The following RNF138 variants were observed in gnomAD, a reference collection of about 807,000 sequenced individuals.
RNF138 encodes the protein E3 ubiquitin-protein ligase RNF138.
In RNF138, 12 loss-of-function variants were observed where a neutral mutation model predicts 31.0. The observed-to-expected ratio is 0.39, with a 90% confidence interval of 0.25 to 0.63. RNF138 has a LOEUF of 0.63. Among genes scored for constraint, RNF138 ranks in the 20% least tolerant of loss-of-function variants. The probability of loss-of-function intolerance (pLI) is 0.52; values close to 1 mark genes in which losing one functional copy is unlikely to be tolerated. For synonymous variants in RNF138, 105 were observed against 99.5 expected (o/e 1.06, Z -0.33); for missense variants, 192 against 300.1 (o/e 0.64, Z 2.66).
chr18:32,098,745 C>A (rs368146261), intron 2 of RNF138, among the ~76,000 whole-genome samples: 3 of 149,948 alleles, frequency 2.0e-5, no homozygotes, highest in African/African-American at 7.4e-5. Flanking sequence ...CCCAGCTGTT[C>A]GGGAGGCTGA....
At chr18:32,105,961 A>G (rs1042213917) in intron 2 of RNF138, among the ~76,000 whole-genome samples, 4 of 152,224 alleles carry the variant, frequency 2.6e-5, no homozygotes, top group Admixed American at 6.5e-5. Context: ...ATTAAGCACT[A>G]TGACACAAGG....
chr18:32,094,437 A>G (rs115448459), intron 2 of RNF138, among the ~76,000 whole-genome samples: 146 of 152,288 alleles, frequency 9.6e-4, no homozygotes, highest in African/African-American at 3.2e-3. Flanking sequence ...TTGCTCTTTA[A>G]GGGAGATGAA....
At chr18:32,110,411 CTTG>C (rs1036036043) in intron 2 of RNF138, among the ~76,000 whole-genome samples, 2 of 152,174 alleles carry the variant, frequency 1.3e-5, no homozygotes, top group Non-Finnish European at 2.9e-5. Flanking sequence ...GCATTTTATA[CTTG>C]TTATCTATTT....
intron 7 of RNF138, 77 bp downstream of exon 7, chr18:32,126,877 A>G: frequency 1.1e-6 from 1 of 870,402 alleles, no homozygotes; most frequent in Non-Finnish European, 1.9e-6. Flanking sequence ...ATCGACTTAA[A>G]TTTTGTGGCA....
At chr18:32,127,669 TAG>T (rs1451006725) in intron 7 of RNF138, among the ~76,000 whole-genome samples, 18 of 152,266 alleles carry the variant, frequency 1.2e-4, no homozygotes, top group Non-Finnish European at 2.2e-4. Context: ...AAAGTAATTC[TAG>T]ATTATTATTA....
chr18:32,126,869 C>T (rs956767166), intron 7 of RNF138, 69 bp downstream of exon 7: 9 of 971,010 alleles, frequency 9.3e-6, no homozygotes, highest in Admixed American at 5.8e-5. Context: ...TTTTTGTAAT[C>T]GACTTAAATT....
intron 5 of RNF138, 146 bp downstream of exon 5, chr18:32,123,720 T>C: frequency 2.0e-6 from 1 of 492,504 alleles, no homozygotes; most frequent in South Asian, 3.1e-5. Context: ...TGGTGCGATC[T>C]TGGCTCACTG....
intron 2 of RNF138, among the ~76,000 whole-genome samples, chr18:32,096,750 G>T (rs2039813297): frequency 6.6e-6 from 1 of 151,836 alleles, no homozygotes; most frequent in Non-Finnish European, 1.5e-5. Flanking sequence ...TGTTTTTTTT[G>T]AAATAGGGTC....
In RNF138 at chr18:32,120,363, A is replaced by T. The variant is rs1446326997; in HGVS notation, c.393-3155A>T. On this transcript the variant is annotated intron_variant, in intron 4 of 7. Transcript: ENST00000261593. Reference sequence around the variant, plus strand: ...CTGGAGTCTAGGCATTTGTATTTTTAAAAAGCATTGTGCTTACTATTTAAC... The same window carrying T: ...CTGGAGTCTAGGCATTTGTATTTTTTAAAAGCATTGTGCTTACTATTTAAC... Among the ~76,000 whole-genome samples, 4 of 152,298 alleles carry T rather than the reference A, an allele frequency of 2.6e-5. No individual in the cohort carries two copies. In the East Asian group the frequency reaches 7.7e-4, roughly 29 times the overall value.
chr18:32,096,789 T>C (rs919369733), intron 2 of RNF138, among the ~76,000 whole-genome samples: 1 of 152,154 alleles, frequency 6.6e-6, no homozygotes, highest in Non-Finnish European at 1.5e-5. Context: ...TGCAGTGGCA[T>C]GATCATAGCT....
At chr18:32,109,746 C>T (rs546983569) in intron 2 of RNF138, among the ~76,000 whole-genome samples, 20 of 152,210 alleles carry the variant, frequency 1.3e-4, no homozygotes, top group African/African-American at 3.6e-4. Flanking sequence ...AATTAGCCGT[C>T]GCAGTGGTGC....
At position 32,113,845 on chromosome 18, in the gene RNF138, A is replaced by G. The variant is rs753660399; in HGVS notation, c.377A>G (p.Asp126Gly). Residue 126 changes from aspartate to glycine, a missense_variant, in exon 4 of 8, where the codon GAT becomes GGT. Coordinates refer to ENST00000261593, the MANE Select transcript of RNF138 (RefSeq NM_016271.5). ...ATTCCAAACTTTCAGATCTCTCAAG[A>G]TTCAGTAGGGAACAGGTAAGCAATA... ...SIIPNFQISQ[D>G]SVGNSNRSET... The G allele has an allele frequency of 6.7e-7, 1 of 1,491,188 alleles. No individual in the cohort carries two copies. The highest frequency in any genetic ancestry group is 9.1e-7 in the Non-Finnish European group (1 of 1,093,810). 92.4% of individuals were successfully genotyped at this position (1,491,188 alleles called of 1,614,324 possible). A position where few individuals can be genotyped will look rare whatever the true frequency, so the allele number is the denominator to read the frequency against.
intron 7 of RNF138, among the ~76,000 whole-genome samples, chr18:32,128,869 T>A (rs2040426639): frequency 6.6e-6 from 1 of 151,122 alleles, no homozygotes; most frequent in Non-Finnish European, 1.5e-5. Context: ...CAAATTTTGT[T>A]CTGTGATGAT....
chr18:32,111,095 T>C (rs1455489804), intron 2 of RNF138, among the ~76,000 whole-genome samples: 2 of 152,258 alleles, frequency 1.3e-5, no homozygotes, highest in Non-Finnish European at 2.9e-5. Context: ...GGAAGTATTC[T>C]TAAGTATTTC....
rs1189906028 is a variant in RNF138 at position 32,098,584 on chromosome 18, G to C, written c.110+5698G>C. ...AATAAAGGTTGAGGCCGGGCGCAGT[G>C]GCTCACGCCTGTCATCCCAGCACTT... On this transcript the variant is annotated intron_variant, in intron 2 of 7. Coordinates refer to ENST00000261593, the MANE Select transcript of RNF138 (RefSeq NM_016271.5). 2.6e-5 allele frequency among the ~76,000 whole-genome samples: 4 copies of C among 152,168 alleles called. No homozygotes were observed. The East Asian group carries it at 7.8e-4, about 30-fold the overall frequency.
chr18:32,106,261 C>G (rs1263384299), intron 2 of RNF138, among the ~76,000 whole-genome samples: 2 of 152,092 alleles, frequency 1.3e-5, no homozygotes, highest in African/African-American at 4.8e-5. Flanking sequence ...TTTCCATAAG[C>G]CCTATAAGTT....
chr18:32,105,538 A>C (rs1171441661), intron 2 of RNF138, among the ~76,000 whole-genome samples: 1 of 152,226 alleles, frequency 6.6e-6, no homozygotes. Context: ...TCAGTAAGAT[A>C]GTATTTGGGC....
At chr18:32,098,802 G>C (rs1263890595) in intron 2 of RNF138, among the ~76,000 whole-genome samples, 2 of 149,898 alleles carry the variant, frequency 1.3e-5, no homozygotes, top group Non-Finnish European at 3.0e-5. Context: ...GCAGTGAGCT[G>C]AGATGGTGCC....
intron 2 of RNF138, among the ~76,000 whole-genome samples, chr18:32,094,135 C>A (rs140320541): frequency 1.3e-5 from 2 of 152,088 alleles, no homozygotes; most frequent in Non-Finnish European, 2.9e-5. Context: ...TTGAAAGTTA[C>A]GTGTGTTTGC....
Sources: gnomAD v4.1 joint callset for allele counts (sites outside exome capture counted in the v4.1 genomes callset) on GRCh38, gnomAD v4.1.1 for gene constraint, MANE v1.5 for transcripts, NCBI Gene and HGNC (gene_info 2026-07-23, HGNC 2026-07-21) for gene names.